LRP1B: variants seen among roughly 807,000 people sequenced by gnomAD.
LRP1B encodes low-density lipoprotein receptor-related protein 1B.
LRP1B carries 217 observed loss-of-function variants against 556.6 expected under a neutral mutation model. The ratio of observed to expected loss-of-function variants is 0.39; its 90% CI spans 0.35 to 0.44. The LOEUF (loss-of-function observed/expected upper bound fraction) is 0.44, where lower values mean the gene tolerates loss of function less well. LRP1B is among the 20% of genes least tolerant of loss of function. The pLI is 1.00. For missense variants in LRP1B, 5,053 were observed against 5,620.8 expected, an observed-to-expected ratio of 0.90 and a Z score of 3.23; for synonymous variants, 2,047 against 1,865.8, an observed-to-expected ratio of 1.10 and a Z score of -2.50.
At chr2:140,279,497 G>A (rs760677258) in intron 84 of LRP1B, among the ~76,000 whole-genome samples, 5 of 151,882 alleles carry the variant, frequency 3.3e-5, no homozygotes, top group Non-Finnish European at 7.4e-5. Flanking sequence ...AGAATTACAA[G>A]CATCTATGTA....
intron 46 of LRP1B, 37 bp from the exon 47 acceptor site, chr2:140,534,177 A>C: frequency 6.4e-7 from 1 of 1,563,366 alleles, no homozygotes; most frequent in Non-Finnish European, 8.7e-7. Context: ...ACCAGAGATC[A>C]TATAGAAATA....
At position 140,546,915 on chromosome 2, in the gene LRP1B, G is replaced by GT. The variant is rs200949528; in HGVS notation, c.7195-4945dup. ...TTTGCATCTATTGAGATAATCATGT[G>GT]TTTTTTTTGTATTTAGTTCTGTGTA... On this transcript the variant is annotated intron_variant, in intron 43 of 90. Transcript: ENST00000389484. Among the ~76,000 whole-genome samples, 197 of 151,864 alleles carry GT rather than the reference G, an allele frequency of 1.3e-3. 2 individuals are homozygous for GT. The highest frequency in any genetic ancestry group is 4.6e-3 in the South Asian group (22 of 4,808).
chr2:141,752,268 A>G (rs1694141167), intron 2 of LRP1B, among the ~76,000 whole-genome samples: 1 of 152,184 alleles, frequency 6.6e-6, no homozygotes. Flanking sequence ...AGAATTTTAA[A>G]TGGGCAGAAG....
rs1047558141 is a variant in LRP1B at position 140,323,625 on chromosome 2, TAGAAAC to T, written c.12514+262_12514+267del. 5.9e-5 allele frequency among the ~76,000 whole-genome samples: 9 copies of T among 151,984 alleles called. 1 individual carries two copies. Among genetic ancestry groups the T allele is most frequent in the African/African-American group, 2.2e-4 (9 of 41,536 alleles). On this transcript the variant is annotated intron_variant, in intron 81 of 90. Coordinates refer to ENST00000389484, the MANE Select transcript of LRP1B (RefSeq NM_018557.3). Reference sequence around the variant, plus strand: ...TAATAATAATAAAATAAAAGAATTTTAGAAACAGAATAACAGATTATTGTAAGAAAG... The same window carrying T: ...TAATAATAATAAAATAAAAGAATTTTAGAATAACAGATTATTGTAAGAAAG...
chr2:140,352,991 T>A lies in LRP1B; in HGVS notation c.11612A>T (p.Gln3871Leu). ...GGTGTTATTTCTTTCTTGAAAATTCTGGTCACACACACATTTATATGATCC... is the reference window on the plus strand; with the variant it reads ...GGTGTTATTTCTTTCTTGAAAATTCAGGTCACACACACATTTATATGATCC... ...VEGSYKCVCD[Q>L]NFQERNNTCI... The change falls in exon 76 of 91, where the codon CAG becomes CTG. Residue 3871 changes from glutamine to leucine, a missense_variant. Gln to Leu is a moderately radical substitution (Grantham distance 113, BLOSUM62 -2). Coordinates refer to ENST00000389484, the MANE Select transcript of LRP1B (RefSeq NM_018557.3). 1 of 1,612,952 alleles carries A rather than the reference T, an allele frequency of 6.2e-7. No individual in the cohort carries two copies. Among genetic ancestry groups the A allele is most frequent in the Non-Finnish European group, 8.5e-7 (1 of 1,179,342 alleles).
intron 2 of LRP1B, among the ~76,000 whole-genome samples, chr2:141,488,971 T>TTTTTTTG (rs748943953): frequency 0.074 from 4,392 of 59,520 alleles, 218 homozygotes; most frequent in African/African-American, 0.13. Flanking sequence ...GTTTGTTTTT[T>TTTTTTTG]TTTGTTTGTT....
intron 7 of LRP1B, among the ~76,000 whole-genome samples, chr2:141,110,481 G>T (rs1174897918): frequency 1.3e-5 from 2 of 152,144 alleles, no homozygotes; most frequent in African/African-American, 4.8e-5. Flanking sequence ...TACAAAGGAA[G>T]TGGTCCATTC....
intron 41 of LRP1B, among the ~76,000 whole-genome samples, chr2:140,668,126 C>T (rs1282350596): frequency 6.6e-6 from 1 of 151,830 alleles, no homozygotes; most frequent in Non-Finnish European, 1.5e-5. Flanking sequence ...CCCTGGCTAA[C>T]ATGGTGAAAC....
intron 3 of LRP1B, among the ~76,000 whole-genome samples, chr2:141,423,065 G>T (rs542521952): frequency 6.6e-6 from 1 of 151,962 alleles, no homozygotes; most frequent in South Asian, 2.1e-4. Context: ...AAGAAAACAG[G>T]GTGTTGTAAA....
At chr2:141,433,262 T>C (rs566132100) in intron 3 of LRP1B, among the ~76,000 whole-genome samples, 2 of 152,174 alleles carry the variant, frequency 1.3e-5, no homozygotes, top group Admixed American at 1.3e-4. Context: ...TTTGTATTAT[T>C]TCATTCCTTT....
At chr2:141,680,185 A>T (rs1691053027) in intron 2 of LRP1B, among the ~76,000 whole-genome samples, 3 of 152,136 alleles carry the variant, frequency 2.0e-5, no homozygotes, top group African/African-American at 7.2e-5. Flanking sequence ...GCGAATTTCG[A>T]ATCAAAATCA....
intron 1 of LRP1B, among the ~76,000 whole-genome samples, chr2:141,852,838 G>A (rs759464121): frequency 6.6e-6 from 1 of 150,736 alleles, no homozygotes; most frequent in Admixed American, 6.6e-5. Flanking sequence ...AAGAAAACCA[G>A]TACATATTGT....
intron 3 of LRP1B, among the ~76,000 whole-genome samples, chr2:141,392,197 C>T (rs1027386352): frequency 1.3e-5 from 2 of 151,976 alleles, no homozygotes; most frequent in African/African-American, 2.4e-5. Context: ...TGTTTAAGTT[C>T]TCTATATTAT....
chr2:141,198,468 G>C (rs989609934), intron 6 of LRP1B, among the ~76,000 whole-genome samples: 2 of 152,130 alleles, frequency 1.3e-5, no homozygotes, highest in South Asian at 4.1e-4. Context: ...AATGCTAGCA[G>C]TCACAAAGCT....
intron 32 of LRP1B, among the ~76,000 whole-genome samples, chr2:140,797,294 A>G (rs1005767233): frequency 2.6e-5 from 4 of 152,090 alleles, no homozygotes; most frequent in African/African-American, 9.6e-5. Context: ...CCACAGCTAG[A>G]TAATTTTAAC....
intron 88 of LRP1B, 118 bp from the exon 89 acceptor site, chr2:140,238,414 T>G: frequency 1.8e-6 from 1 of 562,506 alleles, no homozygotes. Flanking sequence ...AAATGACATT[T>G]GTCAAGTAAC....
chr2:141,665,800 A>G (rs766397184), intron 2 of LRP1B, among the ~76,000 whole-genome samples: 3 of 152,176 alleles, frequency 2.0e-5, no homozygotes, highest in African/African-American at 4.8e-5. Context: ...GCTAGAAGCC[A>G]TTATCCTCAG....
intron 83 of LRP1B, among the ~76,000 whole-genome samples, chr2:140,312,823 C>T (rs1260418389): frequency 6.6e-6 from 1 of 151,754 alleles, no homozygotes; most frequent in Non-Finnish European, 1.5e-5. Context: ...AAACTCATTC[C>T]TACATGTAAA....
intron 11 of LRP1B, among the ~76,000 whole-genome samples, chr2:141,028,031 A>G (rs988658917): frequency 6.6e-6 from 1 of 152,132 alleles, no homozygotes; most frequent in Admixed American, 6.6e-5. Context: ...GGAAGCCTGA[A>G]TCAATTAAGA....
Sources: gnomAD v4.1 joint callset for allele counts (sites outside exome capture counted in the v4.1 genomes callset) on GRCh38, gnomAD v4.1.1 for gene constraint, MANE v1.5 for transcripts, NCBI Gene and HGNC (gene_info 2026-07-23, HGNC 2026-07-21) for gene names.